CCDC88C: variants seen among roughly 807,000 people sequenced by gnomAD.
CCDC88C encodes protein Daple.
A neutral mutation model predicts 198.8 loss-of-function variants in CCDC88C; 131 were observed. That is an observed-to-expected ratio of 0.66 (90% CI 0.57 to 0.76). The LOEUF is 0.76. Ranked by LOEUF, CCDC88C falls within the 30% of genes least tolerant of loss-of-function variation. The pLI is 0.00. For missense variants in CCDC88C, 2,553 were observed against 2,631.6 expected, an observed-to-expected ratio of 0.97 and a Z score of 0.65; for synonymous variants, 1,166 against 1,114.7, an observed-to-expected ratio of 1.05 and a Z score of -0.92.
In CCDC88C at chr14:91,343,628, G is replaced by A. The variant is rs1893397839; in HGVS notation, c.370C>T (p.Leu124=). 4 of 1,613,624 alleles carry A rather than the reference G, an allele frequency of 2.5e-6. No individual in the cohort carries two copies. Among genetic ancestry groups the A allele is most frequent in the Non-Finnish European group, 3.4e-6 (4 of 1,179,808 alleles). ...GKSMEEIKKV[L]LLVLGCAVQC... is the part of the protein sequence containing the mutation. ...ACAGCACAGCCCAGCACCAGCAGCA[G>A]CACCTTCTTGATTTCCTCCATGCTC... Residue 124 remains leucine (L), a synonymous_variant, in exon 5 of 30, where the codon CTG becomes TTG. Transcript: ENST00000389857.
chr14:91,363,302 G>A (rs1715087743), intron 3 of CCDC88C, among the ~76,000 whole-genome samples: 1 of 147,488 alleles, frequency 6.8e-6, no homozygotes. Context: ...GGAGAGAGGG[G>A]GTTTCACCAT....
At chr14:91,408,253 C>T (rs961480141) in intron 3 of CCDC88C, 7 of 190,116 alleles carry the variant, frequency 3.7e-5, no homozygotes, top group Non-Finnish European at 6.6e-5. Context: ...CCAGTGGTTC[C>T]TCCTCTCCCT....
rs201250053 is a variant in CCDC88C at position 91,313,507 on chromosome 14, C to T, written c.2309G>A (p.Arg770Gln). 38 of 1,608,548 alleles carry T rather than the reference C, an allele frequency of 2.4e-5. No homozygotes were observed. The African/African-American group carries it at 2.8e-4, about 12-fold the overall frequency. Reference sequence around the variant, plus strand: ...GCTGCTCTCCAGGCTCTGCTGCAGCCGGAGGTTCTCAGCGCTCACGCTCTG... The same window carrying T: ...GCTGCTCTCCAGGCTCTGCTGCAGCTGGAGGTTCTCAGCGCTCACGCTCTG... Reference protein sequence around the residue: ...SYQSVSAENLRLQQSLESSSH... With the variant: ...SYQSVSAENLQLQQSLESSSH... Residue 770 changes from arginine to glutamine, a missense_variant, in exon 15 of 30, where the codon CGG (arginine) becomes CAG (glutamine). Coordinates refer to ENST00000389857, the MANE Select transcript of CCDC88C (RefSeq NM_001080414.4). This position sits in a 1 kb window ranked among gnomAD's most constrained non-coding sequence, Gnocchi z 5.2.
Position 91,281,336 on chromosome 14 carries a change from C to T in CCDC88C, c.4699+121G>A. 2.6e-6 allele frequency: 4 copies of T among 1,554,374 alleles called. No individual in the cohort carries two copies. The East Asian group carries it at 7.2e-5, about 28-fold the overall frequency. On this transcript the variant is annotated intron_variant, in intron 27 of 29. Transcript: ENST00000389857. ...GGGGAGGGGAAGGAAGAATGGGTCC[C>T]CCATTTCCACCTTCATTTGGTGTTG...
rs1567055328 is a variant in CCDC88C, at chr14:91,293,439, CTCACCTGCCACGGTCCACCTTCCCAT to C, written c.4112+708_4112+733del. Among the ~76,000 whole-genome samples, 48 of 147,156 alleles carry C rather than the reference CTCACCTGCCACGGTCCACCTTCCCAT, an allele frequency of 3.3e-4. 3 individuals are homozygous for C. The highest frequency in any genetic ancestry group is 5.0e-4 in the Non-Finnish European group (33 of 66,452). Reference sequence around the variant, plus strand: ...ACCTGCCACGGCCCACCTTCCCGTCCTCACCTGCCACGGTCCACCTTCCCATCCTCACCTGCCACAGCTCACCTTCC... The same window carrying C: ...ACCTGCCACGGCCCACCTTCCCGTCCCCTCACCTGCCACAGCTCACCTTCC... On this transcript the variant is annotated intron_variant, in intron 23 of 29. Coordinates refer to ENST00000389857, the MANE Select transcript of CCDC88C (RefSeq NM_001080414.4).
intron 4 of CCDC88C, among the ~76,000 whole-genome samples, chr14:91,350,671 C>T (rs776753726): frequency 1.3e-5 from 2 of 152,150 alleles, no homozygotes; most frequent in Non-Finnish European, 2.9e-5. Flanking sequence ...AGCAGTGAAA[C>T]TGATTCCTCT....
intron 3 of CCDC88C, among the ~76,000 whole-genome samples, chr14:91,388,848 G>A (rs1050109077): frequency 3.9e-5 from 6 of 152,138 alleles, no homozygotes; most frequent in Non-Finnish European, 7.4e-5. Flanking sequence ...CTGTCCCCAC[G>A]AAAGCCACAG....
intron 3 of CCDC88C, among the ~76,000 whole-genome samples, chr14:91,382,377 C>T (rs1462226756): frequency 6.6e-6 from 1 of 152,210 alleles, no homozygotes; most frequent in Non-Finnish European, 1.5e-5. Context: ...CCCCATGACA[C>T]AGCACCTTGG....
At chr14:91,307,756 CTGTG>C (rs1381286313) in intron 17 of CCDC88C, among the ~76,000 whole-genome samples, 12 of 152,192 alleles carry the variant, frequency 7.9e-5, no homozygotes, top group African/African-American at 2.4e-4. Context: ...GTGTGTACAC[CTGTG>C]TGTGAGGAGC....
chr14:91,394,967 T>G (rs1885757308), intron 3 of CCDC88C, among the ~76,000 whole-genome samples: 1 of 152,100 alleles, frequency 6.6e-6, no homozygotes, highest in South Asian at 2.1e-4. Context: ...CGGGTGGGCA[T>G]CCTCCCCTCC....
rs575083860 is a variant in CCDC88C, at chr14:91,288,981, C to T, written c.4441+124G>A. The T allele has an allele frequency of 1.4e-5, 10 of 727,238 alleles. No homozygotes were observed. The highest frequency in any genetic ancestry group is 3.2e-5 in the South Asian group (2 of 63,392). 45.0% of individuals were successfully genotyped at this position (727,238 alleles called of 1,614,324 possible). A position where few individuals can be genotyped will look rare whatever the true frequency, so the allele number is the denominator to read the frequency against. On this transcript the variant is annotated intron_variant, in intron 25 of 29. Transcript: ENST00000389857. This position sits in a 1 kb window ranked among gnomAD's most constrained non-coding sequence, Gnocchi z 4.2. Reference sequence around the variant, plus strand: ...CTACTTGGCTCGTAACACATCTAAGCGAAGGCGCACATGCAGTCACCCACC... The same window carrying T: ...CTACTTGGCTCGTAACACATCTAAGTGAAGGCGCACATGCAGTCACCCACC...
At chr14:91,309,437 A>C (rs115390472) in intron 16 of CCDC88C, among the ~76,000 whole-genome samples, 2,705 of 152,014 alleles carry the variant, frequency 0.018, 61 homozygotes, top group African/African-American at 0.062. Flanking sequence ...AACCCCCTCT[A>C]TACAAAACAT....
intron 24 of CCDC88C, among the ~76,000 whole-genome samples, chr14:91,290,739 C>T (rs1318535801): frequency 6.6e-6 from 1 of 152,190 alleles, no homozygotes; most frequent in East Asian, 1.9e-4. Context: ...ACCACGGATG[C>T]TCTGCCCCCT....
chr14:91,343,888 C>CA (rs2139870150), intron 4 of CCDC88C, among the ~76,000 whole-genome samples: 1 of 152,236 alleles, frequency 6.6e-6, no homozygotes, highest in South Asian at 2.1e-4. Context: ...GGCAGGCCCA[C>CA]AGCTCATTGC....
chr14:91,384,054 T>C (rs1048840764), intron 3 of CCDC88C, among the ~76,000 whole-genome samples: 1 of 152,122 alleles, frequency 6.6e-6, no homozygotes, highest in East Asian at 1.9e-4. Flanking sequence ...GGGCACCACA[T>C]CTGGGTACCA....
At chr14:91,336,639 C>T (rs1423053832) in intron 10 of CCDC88C, among the ~76,000 whole-genome samples, 4 of 152,236 alleles carry the variant, frequency 2.6e-5, no homozygotes, top group Non-Finnish European at 5.9e-5. Context: ...AGCTGAGAAA[C>T]GGTCTACCCT....
chr14:91,358,306 A>AG (rs11424877), intron 4 of CCDC88C, among the ~76,000 whole-genome samples: 46,394 of 152,068 alleles, frequency 0.31, 7,273 homozygotes, highest in Non-Finnish European at 0.34. Flanking sequence ...ACGCCAACAG[A>AG]GGAAGCCCGA....
intron 4 of CCDC88C, among the ~76,000 whole-genome samples, chr14:91,346,481 AT>A (rs33941089): frequency 0.26 from 39,382 of 149,160 alleles, 5,620 homozygotes; most frequent in Non-Finnish European, 0.33. Context: ...AAATCTTAGG[AT>A]TTTTTTTTTT....
At chr14:91,321,352 TC>T (rs1289223629) in intron 12 of CCDC88C, 48 bp from the exon 13 acceptor site, 1 of 1,528,216 alleles carries the variant, frequency 6.5e-7, no homozygotes, top group Non-Finnish European at 8.8e-7. Context: ...GGCCTCCACT[TC>T]CACTCTCTGC....
Sources: gnomAD v4.1 joint callset for allele counts (sites outside exome capture counted in the v4.1 genomes callset) on GRCh38, gnomAD v4.1.1 for gene constraint, Gnocchi (gnomAD v3.1) non-coding constraint, MANE v1.5 for transcripts, NCBI Gene and HGNC (gene_info 2026-07-23, HGNC 2026-07-21) for gene names.